ZSCAN5B: variants seen among roughly 807,000 people sequenced by gnomAD.
The protein encoded by ZSCAN5B is zinc finger and SCAN domain containing 5B.
A neutral mutation model predicts 25.2 loss-of-function variants in ZSCAN5B; 26 were observed. The observed-to-expected ratio is 1.03, with a 90% CI of 0.76 to 1.43. The LOEUF is 1.43. Among genes scored for constraint, ZSCAN5B ranks in the 40% most tolerant of loss-of-function variants. The pLI is 0.00. For synonymous variants in ZSCAN5B, 244 were observed against 240.9 expected (o/e 1.01, Z -0.12); for missense variants, 745 against 622.1 (o/e 1.20, Z -2.10).
chr19:56,189,956 G>A (rs1399318748), exon 5 of ZSCAN5B: 3 of 1,614,018 alleles, frequency 1.9e-6, no homozygotes, highest in Non-Finnish European at 2.5e-6. Flanking sequence ...GAACGTTCAG[G>A]TTCCCCTTGT....
chr19:56,191,859 G>C (rs1222299787), exon 3 of ZSCAN5B: 3 of 1,613,690 alleles, frequency 1.9e-6, no homozygotes, highest in Non-Finnish European at 2.5e-6. Flanking sequence ...CCTGCCTCCT[G>C]GACAGTGCAG....
chr19:56,195,381 A>G (rs2122206864), intron 1 of ZSCAN5B, among the ~76,000 whole-genome samples: 1 of 152,264 alleles, frequency 6.6e-6, no homozygotes, highest in African/African-American at 2.4e-5. Context: ...AGGTCTAGGA[A>G]AAGGTGCTCG....
At chr19:56,193,160 T>G (rs2032764079) in exon 2 of ZSCAN5B, 1 of 1,304,640 alleles carries the variant, frequency 7.7e-7, no homozygotes, top group Non-Finnish European at 1.0e-6. Flanking sequence ...CAGTAATATA[T>G]TCACAGTTTG....
intron 1 of ZSCAN5B, among the ~76,000 whole-genome samples, chr19:56,195,151 C>T (rs907255488): frequency 2.0e-5 from 3 of 151,922 alleles, no homozygotes; most frequent in Non-Finnish European, 4.4e-5. Flanking sequence ...TGGAAGGACT[C>T]TGAGCAAGTG....
exon 3 of ZSCAN5B, chr19:56,192,007 T>G: frequency 3.1e-6 from 5 of 1,613,792 alleles, no homozygotes; most frequent in Non-Finnish European, 3.4e-6. Flanking sequence ...CATCTCGACA[T>G]CTGAGTTCAG....
At chr19:56,194,683 T>A (rs2032784592) in intron 1 of ZSCAN5B, among the ~76,000 whole-genome samples, 1 of 152,166 alleles carries the variant, frequency 6.6e-6, no homozygotes, top group Non-Finnish European at 1.5e-5. Context: ...AGTGGTGCAA[T>A]CTCAGCTCAC....
exon 1 of ZSCAN5B, chr19:56,197,825 G>C (rs1304156377): frequency 2.0e-6 from 2 of 985,170 alleles, no homozygotes; most frequent in Admixed American, 6.2e-5. Flanking sequence ...TGGAGAAGCG[G>C]GACTCCAGGC....
At chr19:56,192,010 G>A in exon 3 of ZSCAN5B, 2 of 1,613,758 alleles carry the variant, frequency 1.2e-6, no homozygotes, top group Non-Finnish European at 1.7e-6. Flanking sequence ...CTCGACATCT[G>A]AGTTCAGCAT....
At chr19:56,192,593 A>G (rs2032751616) in intron 2 of ZSCAN5B, 76 bp downstream of exon 2, 2 of 1,534,272 alleles carry the variant, frequency 1.3e-6, no homozygotes, top group Non-Finnish European at 1.8e-6. Flanking sequence ...AGCTGTGCTG[A>G]TATTTGAGAC....
exon 2 of ZSCAN5B, chr19:56,192,806 T>C: frequency 6.2e-7 from 1 of 1,612,596 alleles, no homozygotes; most frequent in African/African-American, 1.3e-5. Context: ...ATGTCCAGGA[T>C]CTGCTCTTTG....
At chr19:56,190,477 C>G in exon 5 of ZSCAN5B, 3 of 1,614,068 alleles carry the variant, frequency 1.9e-6, no homozygotes, top group Non-Finnish European at 2.5e-6. Context: ...TGAGTCAAAG[C>G]TTCTCTCTCC....
At chr19:56,196,104 G>A (rs547747490) in intron 1 of ZSCAN5B, among the ~76,000 whole-genome samples, 40 of 152,254 alleles carry the variant, frequency 2.6e-4, no homozygotes, top group African/African-American at 8.7e-4. Flanking sequence ...CCAGGCTGCA[G>A]TGCAGTGGCC....
At chr19:56,195,861 A>C (rs892713164) in intron 1 of ZSCAN5B, among the ~76,000 whole-genome samples, 13 of 151,520 alleles carry the variant, frequency 8.6e-5, no homozygotes, top group African/African-American at 3.2e-4. Context: ...AAAGTTATCT[A>C]TTTTTGTTTT....
Position 56,193,169 on chromosome 19 carries a change from T to A in ZSCAN5B, c.-117A>T, listed in dbSNP as rs1458247043. On this transcript the variant is annotated 5_prime_UTR_variant, in exon 2 of 5. Coordinates refer to ENST00000586855, the Ensembl canonical transcript of ZSCAN5B. The stretch of plus-strand genomic sequence containing the variant: ...TCTTCTCAGTAATATATTCACAGTT[T>A]GTTCAGAAGTCTGCAGGAAAAAAGC... The A allele has an allele frequency of 1.0e-5, 13 of 1,241,224 alleles. No individual in the cohort carries two copies. In the East Asian group the frequency reaches 3.1e-4, roughly 30 times the overall value. 76.9% of individuals were successfully genotyped at this position (1,241,224 alleles called of 1,614,324 possible).
exon 5 of ZSCAN5B, chr19:56,189,869 G>C (rs998487181): frequency 1.2e-6 from 2 of 1,613,678 alleles, no homozygotes; most frequent in Admixed American, 1.7e-5. Flanking sequence ...GGTGACGCTT[G>C]AATGTCCCCA....
Position 56,191,836 on chromosome 19 carries a change from C to T in ZSCAN5B, c.588+14G>A. On this transcript the variant is annotated intron_variant, in intron 3 of 4. Coordinates refer to ENST00000586855, the Ensembl canonical transcript of ZSCAN5B. ...TCCCACCTCTGCCCAGACACCAAGG[C>T]CTCACACACTCACCTGCCTCCTGGA... 2 of 1,612,956 alleles carry T rather than the reference C, an allele frequency of 1.2e-6. No homozygotes were observed. The highest frequency in any genetic ancestry group is 1.7e-6 in the Non-Finnish European group (2 of 1,179,186).
chr19:56,196,146 G>A (rs949608184), intron 1 of ZSCAN5B, among the ~76,000 whole-genome samples: 41 of 152,280 alleles, frequency 2.7e-4, no homozygotes, highest in African/African-American at 8.2e-4. Flanking sequence ...CTGCCTCCCG[G>A]GTTCAAGCGA....
At chr19:56,197,073 T>C (rs1461046503) in intron 1 of ZSCAN5B, among the ~76,000 whole-genome samples, 1 of 151,904 alleles carries the variant, frequency 6.6e-6, no homozygotes, top group East Asian at 1.9e-4. Context: ...AGCCTGGGAG[T>C]TCCAGGCCAG....
rs531547461 is a variant in ZSCAN5B, at chr19:56,190,750, G to A, written c.739+87C>T. 214 of 1,551,376 alleles carry A rather than the reference G, an allele frequency of 1.4e-4. 2 individuals are homozygous for A. Among genetic ancestry groups the A allele is most frequent in the Admixed American group, 2.5e-4 (12 of 48,164 alleles). ...GAGAGATTTTGGCAGCTGATCGCCAGCCCCAGGGGATGATAATGCTGGGCC... is the reference window on the plus strand; with the variant it reads ...GAGAGATTTTGGCAGCTGATCGCCAACCCCAGGGGATGATAATGCTGGGCC... On this transcript the variant is annotated intron_variant, in intron 4 of 4. Coordinates refer to ENST00000586855, the Ensembl canonical transcript of ZSCAN5B.
Sources: gnomAD v4.1 joint callset for allele counts (sites outside exome capture counted in the v4.1 genomes callset) on GRCh38, gnomAD v4.1.1 for gene constraint, MANE v1.5 for transcripts, NCBI Gene and HGNC (gene_info 2026-07-23, HGNC 2026-07-21) for gene names.